Variants in STK3 observed in about 807,000 individuals in gnomAD.
STK3 encodes serine/threonine-protein kinase 3.
In STK3, 41 loss-of-function variants were observed where a neutral mutation model predicts 58.0. The ratio of observed to expected loss-of-function variants is 0.71; its 90% CI spans 0.55 to 0.92. The LOEUF (loss-of-function observed/expected upper bound fraction) is 0.92. Among genes scored for constraint, STK3 ranks in the 40% least tolerant of loss-of-function variants. The pLI, the probability that STK3 is intolerant of heterozygous loss-of-function variation, is 0.00. For synonymous variants in STK3, 170 were observed against 191.0 expected (o/e 0.89, Z 0.91); for missense variants, 479 against 602.7 (o/e 0.79, Z 2.15).
chr8:98,673,970 GTTTTC>G (rs1264254292), intron 6 of STK3, among the ~76,000 whole-genome samples: 2 of 152,014 alleles, frequency 1.3e-5, no homozygotes, highest in African/African-American at 2.4e-5. Context: ...TGGAGTTTAT[GTTTTC>G]TTTTAAGTAC....
chr8:98,790,722 C>T (rs1031434659), intron 1 of STK3, among the ~76,000 whole-genome samples: 36 of 152,180 alleles, frequency 2.4e-4, no homozygotes, highest in East Asian at 3.9e-4. Context: ...TGGTGGCTCA[C>T]GCCTGTAACC....
At chr8:98,517,168 A>C (rs1263439246) in intron 10 of STK3, among the ~76,000 whole-genome samples, 7 of 152,098 alleles carry the variant, frequency 4.6e-5, no homozygotes, top group Non-Finnish European at 1.0e-4. Context: ...CATTAGTTTG[A>C]ATGCCCCTAT....
At chr8:98,778,698 C>T (rs1261176360) in intron 1 of STK3, among the ~76,000 whole-genome samples, 1 of 151,986 alleles carries the variant, frequency 6.6e-6, no homozygotes, top group African/African-American at 2.4e-5. Flanking sequence ...TACTATGCAG[C>T]CATAAAAAAT....
At chr8:98,894,485 A>C (rs1838377880) in intron 1 of STK3, among the ~76,000 whole-genome samples, 2 of 152,174 alleles carry the variant, frequency 1.3e-5, no homozygotes, top group South Asian at 4.1e-4. Flanking sequence ...TGACTACTCC[A>C]TTTAAAATTT....
intron 3 of STK3, chr8:98,412,969 G>T: frequency 3.8e-6 from 1 of 260,284 alleles, no homozygotes; most frequent in South Asian, 4.3e-5. Flanking sequence ...TGGCCTCTCA[G>T]GAAGGTCTGG....
chr8:98,417,034 T>G (rs1242941233), intron 3 of STK3, among the ~76,000 whole-genome samples: 1 of 152,192 alleles, frequency 6.6e-6, no homozygotes, highest in African/African-American at 2.4e-5. Flanking sequence ...TCTGAGTAAC[T>G]GACAGCTGCT....
intron 1 of STK3, chr8:98,437,493 T>C (rs1035415718): frequency 6.6e-6 from 1 of 152,176 alleles, no homozygotes; most frequent in Non-Finnish European, 1.5e-5. Context: ...GGGGTATGTG[T>C]GGCAGGAACA....
At chr8:98,357,311 T>C in the STK3 span, among the ~76,000 whole-genome samples, 423 of 152,302 alleles carry the variant, frequency 2.8e-3, 5 homozygotes, top group African/African-American at 9.5e-3. Flanking sequence ...AAAACCAGGA[T>C]GCTGGCCTTG....
chr8:98,617,591 G>A (rs1817867305), intron 6 of STK3, among the ~76,000 whole-genome samples: 2 of 151,978 alleles, frequency 1.3e-5, no homozygotes. Context: ...AAAAAAGAGA[G>A]GAAAATCAAA....
intron 10 of STK3, among the ~76,000 whole-genome samples, chr8:98,514,540 C>T (rs1671510553): frequency 1.3e-5 from 2 of 150,374 alleles, no homozygotes; most frequent in African/African-American, 4.9e-5. Context: ...CCCTACCTCC[C>T]CACAAAAAAA....
intron 1 of STK3, among the ~76,000 whole-genome samples, chr8:98,888,088 G>A (rs1338515852): frequency 1.3e-5 from 2 of 152,158 alleles, no homozygotes; most frequent in Admixed American, 1.3e-4. Flanking sequence ...GGAGGCTAAG[G>A]TGAGTGAATC....
intron 2 of STK3, among the ~76,000 whole-genome samples, chr8:98,434,862 G>A (rs551798810): frequency 3.9e-5 from 6 of 152,188 alleles, no homozygotes; most frequent in Admixed American, 1.3e-4. Flanking sequence ...GGGCAGAGAA[G>A]AAAGAAGGGA....
chr8:98,654,759 T>C (rs1476598045), intron 6 of STK3, among the ~76,000 whole-genome samples: 1 of 152,024 alleles, frequency 6.6e-6, no homozygotes, highest in Admixed American at 6.6e-5. Flanking sequence ...ATAAAATACC[T>C]AGGAATCCAA....
intron 4 of STK3, among the ~76,000 whole-genome samples, chr8:98,728,131 T>C (rs1221502135): frequency 1.3e-5 from 2 of 152,198 alleles, no homozygotes; most frequent in Non-Finnish European, 2.9e-5. Flanking sequence ...CCAGGTATCC[T>C]GGATGAGGAA....
the STK3 span, among the ~76,000 whole-genome samples, chr8:98,358,265 C>A: frequency 6.6e-6 from 1 of 152,164 alleles, no homozygotes; most frequent in Admixed American, 6.5e-5. Flanking sequence ...AGCAGAACTT[C>A]CCACCAGCAG....
At chr8:98,842,545 G>T (rs540568125) in intron 3 of STK3, among the ~76,000 whole-genome samples, 2 of 152,198 alleles carry the variant, frequency 1.3e-5, no homozygotes, top group South Asian at 4.1e-4. Flanking sequence ...GGGCGTGGTG[G>T]CATGCGCCTG....
intron 10 of STK3, among the ~76,000 whole-genome samples, chr8:98,502,421 G>T (rs532458484): frequency 6.6e-6 from 1 of 152,050 alleles, no homozygotes; most frequent in Non-Finnish European, 1.5e-5. Context: ...TGATTGCCCT[G>T]ACCAGAACTT....
chr8:98,903,557 C>CTTCTTCTTCTTT (rs1564093746), intron 1 of STK3, among the ~76,000 whole-genome samples: 1 of 9,928 alleles, frequency 1.0e-4, no homozygotes, highest in African/African-American at 3.5e-4. Context: ...CTTCTTCTTC[C>CTTCTTCTTCTTT]TTTTTTTTTT....
chr8:98,909,226 T>C (rs1380180534), intron 1 of STK3, among the ~76,000 whole-genome samples: 3 of 152,218 alleles, frequency 2.0e-5, no homozygotes, highest in African/African-American at 7.2e-5. Flanking sequence ...CTTTTTATTT[T>C]ATACAGGCTC....
Sources: gnomAD v4.1 joint callset for allele counts (sites outside exome capture counted in the v4.1 genomes callset) on GRCh38, gnomAD v4.1.1 for gene constraint, MANE v1.5 for transcripts, NCBI Gene and HGNC (gene_info 2026-07-23, HGNC 2026-07-21) for gene names.